ACTN1: variants seen among roughly 807,000 people sequenced by gnomAD.
The protein encoded by ACTN1 is actinin alpha 1, also known as alpha-actinin-1.
Under a neutral mutation model 119.6 loss-of-function variants are expected in ACTN1, and 30 were observed. The ratio of observed to expected loss-of-function variants is 0.25; its 90% CI spans 0.19 to 0.34. The LOEUF is 0.34. Among genes scored for constraint, ACTN1 ranks in the 10% least tolerant of loss-of-function variants. The pLI is 1.00. For synonymous variants in ACTN1, 429 were observed against 472.6 expected (o/e 0.91, Z 1.20); for missense variants, 764 against 1,223.4 (o/e 0.62, Z 5.60).
chr14:68,878,178 TCAGGGTCAGCC>T lies in ACTN1; in HGVS notation c.2427+269_2427+279del, dbSNP rs753610171. 255 of 361,400 alleles carry T rather than the reference TCAGGGTCAGCC, an allele frequency of 7.1e-4. No individual in the cohort carries two copies. Among genetic ancestry groups the T allele is most frequent in the Admixed American group, 1.7e-3 (40 of 23,180 alleles). 22.4% of individuals were successfully genotyped at this position (361,400 alleles called of 1,614,324 possible). A position where few individuals can be genotyped will look rare whatever the true frequency, so the allele number is the denominator to read the frequency against. ...ACACCACCAGTCCTTCCTGCCAGCC[TCAGGGTCAGCC>T]CAGCTGTCCACAGTGGGAGTGAGAA... is the stretch of plus-strand genomic sequence containing the variant. On this transcript the variant is annotated intron_variant, in intron 20 of 21. Coordinates refer to ENST00000394419, the MANE Select transcript of ACTN1 (RefSeq NM_001130004.2). This position sits in a 1 kb window ranked among gnomAD's most constrained non-coding sequence, Gnocchi z 4.4.
At chr14:68,963,844 T>C (rs2036617612) in intron 1 of ACTN1, among the ~76,000 whole-genome samples, 1 of 152,238 alleles carries the variant, frequency 6.6e-6, no homozygotes, top group African/African-American at 2.4e-5. Flanking sequence ...TGTTGCTAAT[T>C]GCTGAAGCTG....
At chr14:68,939,336 G>A (rs2035685355) in intron 1 of ACTN1, among the ~76,000 whole-genome samples, 1 of 152,180 alleles carries the variant, frequency 6.6e-6, no homozygotes, top group Non-Finnish European at 1.5e-5. Flanking sequence ...CACCCCAACT[G>A]CCAGCCACCA....
intron 1 of ACTN1, among the ~76,000 whole-genome samples, chr14:68,929,610 A>G (rs531321023): frequency 1.3e-5 from 2 of 152,248 alleles, no homozygotes; most frequent in South Asian, 4.1e-4. Context: ...CGTTCCAGAA[A>G]TGGCTTCAGG....
At chr14:68,929,041 T>G (rs571129344) in intron 1 of ACTN1, among the ~76,000 whole-genome samples, 40 of 151,540 alleles carry the variant, frequency 2.6e-4, no homozygotes, top group Non-Finnish European at 5.5e-4. Flanking sequence ...GGCGGGTTCG[T>G]GGGAGAGGGC....
At chr14:68,905,730 G>A (rs891112655) in intron 6 of ACTN1, among the ~76,000 whole-genome samples, 2 of 152,322 alleles carry the variant, frequency 1.3e-5, no homozygotes, top group Non-Finnish European at 2.9e-5. Context: ...AGTGGCTCAC[G>A]TGTGTAATCC....
intron 6 of ACTN1, among the ~76,000 whole-genome samples, chr14:68,905,445 C>T (rs1380295241): frequency 6.6e-6 from 1 of 152,122 alleles, no homozygotes; most frequent in Non-Finnish European, 1.5e-5. Context: ...ATTCCACTTG[C>T]GGGGAGATAC....
At chr14:68,894,351 C>T (rs576289926) in intron 8 of ACTN1, among the ~76,000 whole-genome samples, 4 of 152,208 alleles carry the variant, frequency 2.6e-5, no homozygotes, top group Admixed American at 6.5e-5. Context: ...CAAGTATGGG[C>T]TCAATGCCCA....
At chr14:68,928,710 A>T (rs1226026749) in intron 1 of ACTN1, among the ~76,000 whole-genome samples, 1 of 152,152 alleles carries the variant, frequency 6.6e-6, no homozygotes, top group African/African-American at 2.4e-5. Flanking sequence ...AACAGTGGGG[A>T]GGAGGAAGAT....
At position 68,879,604 on chromosome 14, in the gene ACTN1, G is replaced by A. The variant is rs1206248673; in HGVS notation, c.2280+358C>T. On this transcript the variant is annotated intron_variant, in intron 18 of 21. Coordinates refer to ENST00000394419, the MANE Select transcript of ACTN1 (RefSeq NM_001130004.2). The surrounding 1 kb of genome is among the most constrained non-coding windows in gnomAD (Gnocchi z 4.9). ...CCACTGGAGGTCGGGGTAGGGGTAGGGGCCAGCGAGGGCAGGAGGAGTCTC... is the reference window on the plus strand; with the variant it reads ...CCACTGGAGGTCGGGGTAGGGGTAGAGGCCAGCGAGGGCAGGAGGAGTCTC... Among the ~76,000 whole-genome samples, 1 of 152,152 alleles carries A rather than the reference G, an allele frequency of 6.6e-6. No individual in the cohort carries two copies. Among genetic ancestry groups the A allele is most frequent in the African/African-American group, 2.4e-5 (1 of 41,438 alleles).
chr14:68,899,564 C>A (rs2033169792), intron 8 of ACTN1, among the ~76,000 whole-genome samples: 1 of 151,900 alleles, frequency 6.6e-6, no homozygotes, highest in Non-Finnish European at 1.5e-5. Context: ...CATCACATCC[C>A]CCACACACCA....
chr14:68,878,267 G>A lies in ACTN1; in HGVS notation c.2427+191C>T, dbSNP rs550036091. The A allele has an allele frequency of 4.9e-5, 35 of 718,844 alleles. 1 individual carries two copies. The South Asian group carries it at 5.7e-4, about 12-fold the overall frequency. The allele number at this position is 718,844 out of a possible 1,614,324, so 44.5% of individuals were successfully genotyped here. A position where few individuals can be genotyped will look rare whatever the true frequency, so the allele number is the denominator to read the frequency against. Reference sequence around the variant, plus strand: ...TTGAGGCGAGGAGGTCAGGCCTCCCGGATACACACACGCCCGTGGCCGGGC... The same window carrying A: ...TTGAGGCGAGGAGGTCAGGCCTCCCAGATACACACACGCCCGTGGCCGGGC... On this transcript the variant is annotated intron_variant, in intron 20 of 21. Transcript: ENST00000394419. This position sits in a 1 kb window ranked among gnomAD's most constrained non-coding sequence, Gnocchi z 4.4.
intron 1 of ACTN1, among the ~76,000 whole-genome samples, chr14:68,930,824 A>C (rs1196470591): frequency 6.6e-6 from 1 of 152,232 alleles, no homozygotes; most frequent in Admixed American, 6.5e-5. Flanking sequence ...AACTGCAATA[A>C]TTATCTATTG....
chr14:68,920,674 T>G (rs1244274966), intron 3 of ACTN1, among the ~76,000 whole-genome samples: 1 of 151,928 alleles, frequency 6.6e-6, no homozygotes, highest in African/African-American at 2.4e-5. Flanking sequence ...CATACACAAA[T>G]CCTCTGCTCC....
At chr14:68,968,831 A>G (rs2036786757) in intron 1 of ACTN1, among the ~76,000 whole-genome samples, 1 of 152,360 alleles carries the variant, frequency 6.6e-6, no homozygotes, top group East Asian at 1.9e-4. Context: ...GCACTTAGAC[A>G]TGTGCCTGGC....
rs2037176954 is a variant in ACTN1 at position 68,979,111 on chromosome 14, A to G, written c.-55T>C. On this transcript the variant is annotated 5_prime_UTR_variant, in exon 1 of 22. Transcript: ENST00000394419. ...TCTTCCTCCACCTTCTCTCTGAGCA[A>G]CGGCTGCTGCCCTGGCGTGGGGAGG... 13 of 1,036,124 alleles carry G rather than the reference A, an allele frequency of 1.3e-5. No individual in the cohort carries two copies. Among genetic ancestry groups the G allele is most frequent in the Non-Finnish European group, 1.8e-5 (13 of 726,978 alleles). The allele number at this position is 1,036,124 out of a possible 1,614,324, so 64.2% of individuals were successfully genotyped here.
intron 9 of ACTN1, among the ~76,000 whole-genome samples, chr14:68,892,693 C>T (rs2032585674): frequency 6.6e-6 from 1 of 152,112 alleles, no homozygotes; most frequent in South Asian, 2.1e-4. Context: ...AAGTTCTTGC[C>T]ATCTGACTTC....
At chr14:68,927,672 G>A (rs1447143786) in intron 1 of ACTN1, among the ~76,000 whole-genome samples, 1 of 152,216 alleles carries the variant, frequency 6.6e-6, no homozygotes, top group Non-Finnish European at 1.5e-5. Flanking sequence ...AGAGGACGCA[G>A]CAGGACAGGG....
intron 1 of ACTN1, among the ~76,000 whole-genome samples, chr14:68,935,098 C>T (rs562345201): frequency 6.6e-6 from 1 of 152,302 alleles, no homozygotes; most frequent in South Asian, 2.1e-4. Flanking sequence ...TCTCCGCTCA[C>T]TGCAACCTCC....
rs753493094 is a variant in ACTN1, at chr14:68,882,484, C to T, written c.1927G>A (p.Gly643Arg). The T allele has an allele frequency of 9.9e-6, 16 of 1,614,052 alleles. No individual in the cohort carries two copies. The East Asian group carries it at 2.5e-4, about 25-fold the overall frequency. The part of the protein sequence containing the change: ...KQFGAQANVI[G>R]PWIQTKMEEI... ...TCCATCTTGGTCTGGATCCAGGGCCCGATGACATTGGCCTGGGCTCCAAAC... is the reference window on the plus strand; with the variant it reads ...TCCATCTTGGTCTGGATCCAGGGCCTGATGACATTGGCCTGGGCTCCAAAC... Residue 643 changes from glycine to arginine, a missense_variant, in exon 16 of 22, where the codon GGG becomes AGG. Gly to Arg is a moderately radical substitution (Grantham distance 125, BLOSUM62 -2). Around this residue, in one of 4 missense-constraint regions of ACTN1, gnomAD observed 544 missense variants for 912.0 expected, o/e 0.60. Coordinates refer to ENST00000394419, the MANE Select transcript of ACTN1 (RefSeq NM_001130004.2). This position sits in a 1 kb window ranked among gnomAD's most constrained non-coding sequence, Gnocchi z 4.5.
Sources: allele counts gnomAD v4.1 joint callset (sites outside exome capture counted in the v4.1 genomes callset), GRCh38; gene constraint gnomAD v4.1.1; regional missense constraint gnomAD v4.1.1; non-coding constraint Gnocchi (gnomAD v3.1); transcripts MANE v1.5; gene names NCBI Gene and HGNC (gene_info 2026-07-23, HGNC 2026-07-21).